The following PIEZO2 variants were observed in gnomAD, a reference collection of about 807,000 sequenced individuals.
The protein encoded by PIEZO2 is piezo type mechanosensitive ion channel component 2.
A neutral mutation model predicts 337.3 loss-of-function variants in PIEZO2; 172 were observed. The ratio of observed to expected loss-of-function variants is 0.51; its 90% confidence interval spans 0.45 to 0.58. The LOEUF (loss-of-function observed/expected upper bound fraction) is 0.58. PIEZO2 is among the 20% of genes least tolerant of loss of function. The pLI, the probability that PIEZO2 is intolerant of heterozygous loss-of-function variation, is 0.00. For missense variants in PIEZO2, 3,028 were observed against 3,391.3 expected, an observed-to-expected ratio of 0.89 and a Z score of 2.66; for synonymous variants, 1,251 against 1,228.5, an observed-to-expected ratio of 1.02 and a Z score of -0.38.
chr18:10,705,430 C>G lies in PIEZO2; in HGVS notation c.5905G>C (p.Val1969Leu). 6.5e-7 allele frequency: 1 copy of G among 1,537,252 alleles called. No homozygotes were observed. Among genetic ancestry groups the G allele is most frequent in the Non-Finnish European group, 8.7e-7 (1 of 1,146,920 alleles). ...DDSAGKNRMA[V>L]SPDDSRTDKL... ...TCGGTGCGGCTGTCGTCCGGGCTGA[C>G]TGCCATACGGTTCTTGCCTGCAGAG... Residue 1969 changes from valine to leucine, a missense_variant, in exon 41 of 56, where the codon GTC (valine) becomes CTC (leucine). Physicochemically the swap from Val to Leu is conservative, Grantham distance 32. Coordinates refer to ENST00000674853, the MANE Select transcript of PIEZO2 (RefSeq NM_001378183.1).
At chr18:10,829,067 C>T (rs1174964294) in intron 7 of PIEZO2, among the ~76,000 whole-genome samples, 1 of 152,162 alleles carries the variant, frequency 6.6e-6, no homozygotes, top group Non-Finnish European at 1.5e-5. Context: ...CTTCACATGA[C>T]TTATTGCATT....
intron 31 of PIEZO2, among the ~76,000 whole-genome samples, chr18:10,743,598 A>T (rs2037309792): frequency 6.6e-6 from 1 of 152,038 alleles, no homozygotes; most frequent in African/African-American, 2.4e-5. Flanking sequence ...GTTAGTGTTG[A>T]CTCTTAAGTC....
At position 10,853,850 on chromosome 18, in the gene PIEZO2, ACC is replaced by A. The variant is rs2041625002; in HGVS notation, c.917+1501_917+1502del. 6.6e-6 allele frequency among the ~76,000 whole-genome samples: 1 copy of A among 152,236 alleles called. No homozygotes were observed. Among genetic ancestry groups the A allele is most frequent in the Non-Finnish European group, 1.5e-5 (1 of 68,030 alleles). On this transcript the variant is annotated intron_variant, in intron 7 of 55. Transcript: ENST00000674853. This position sits in a 1 kb window ranked among gnomAD's most constrained non-coding sequence, Gnocchi z 4.2. ...TGGCATTTTTCTGTCTACCCACAAA[ACC>A]ATCATACACCTAAGAAATCAGCAAT...
At chr18:10,907,870 A>T (rs574520412) in intron 4 of PIEZO2, among the ~76,000 whole-genome samples, 1 of 152,380 alleles carries the variant, frequency 6.6e-6, no homozygotes, top group African/African-American at 2.4e-5. Context: ...TAATAAAAAA[A>T]ATTGAGTCTG....
At chr18:11,023,843 C>T (rs2036418682) in intron 2 of PIEZO2, among the ~76,000 whole-genome samples, 1 of 152,314 alleles carries the variant, frequency 6.6e-6, no homozygotes, top group East Asian at 1.9e-4. Flanking sequence ...GCCGGTGGGC[C>T]GGCACTGCTG....
intron 49 of PIEZO2, among the ~76,000 whole-genome samples, chr18:10,684,257 C>T (rs1246418025): frequency 7.5e-6 from 1 of 133,416 alleles, no homozygotes; most frequent in African/African-American, 2.8e-5. Context: ...GCTCCACCTC[C>T]TGGGTTCACG....
At chr18:11,082,602 G>A (rs2038787730) in intron 1 of PIEZO2, among the ~76,000 whole-genome samples, 1 of 152,044 alleles carries the variant, frequency 6.6e-6, no homozygotes. Flanking sequence ...CAGGCGTGAT[G>A]TTTCACATAT....
intron 7 of PIEZO2, among the ~76,000 whole-genome samples, chr18:10,841,039 G>A (rs2041174166): frequency 6.6e-6 from 1 of 152,186 alleles, no homozygotes; most frequent in Non-Finnish European, 1.5e-5. Flanking sequence ...TGTAGAGGAA[G>A]GGACAGACAA....
chr18:10,783,898 A>G lies in PIEZO2; in HGVS notation c.2492+886T>C, dbSNP rs2039119036. On this transcript the variant is annotated intron_variant, in intron 17 of 55. Coordinates refer to ENST00000674853, the MANE Select transcript of PIEZO2 (RefSeq NM_001378183.1). The surrounding 1 kb of genome is among the most constrained non-coding windows in gnomAD (Gnocchi z 4.3). The stretch of plus-strand genomic sequence containing the variant: ...AAGTTTGGCATTTTACGAAATGCAT[A>G]TCATGAACTCCTACTTCATCTTCTA... 6.6e-6 allele frequency among the ~76,000 whole-genome samples: 1 copy of G among 152,244 alleles called. No homozygotes were observed. Among genetic ancestry groups the G allele is most frequent in the African/African-American group, 2.4e-5 (1 of 41,468 alleles).
chr18:10,895,568 G>T lies in PIEZO2; in HGVS notation c.329+15618C>A, dbSNP rs548262322. Among the ~76,000 whole-genome samples the T allele has an allele frequency of 6.6e-6, 1 of 152,186 alleles. No homozygotes were observed. Among genetic ancestry groups the T allele is most frequent in the Non-Finnish European group, 1.5e-5 (1 of 68,040 alleles). ...CCGGGGAATGGTGCCGTTTGTTGGGGTACCTGTGCAGCAGTAGCAGTGCCG... is the reference window on the plus strand; with the variant it reads ...CCGGGGAATGGTGCCGTTTGTTGGGTTACCTGTGCAGCAGTAGCAGTGCCG... On this transcript the variant is annotated intron_variant, in intron 4 of 55. Coordinates refer to ENST00000674853, the MANE Select transcript of PIEZO2 (RefSeq NM_001378183.1). The surrounding 1 kb of genome is among the most constrained non-coding windows in gnomAD (Gnocchi z 4.8).
chr18:10,852,809 G>GT (rs2041593216), intron 7 of PIEZO2, among the ~76,000 whole-genome samples: 1 of 152,170 alleles, frequency 6.6e-6, no homozygotes, highest in Non-Finnish European at 1.5e-5. Flanking sequence ...TGTTACAGAG[G>GT]TAAGTGGTCA....
chr18:10,730,364 C>T (rs1026877693), intron 36 of PIEZO2, among the ~76,000 whole-genome samples: 1 of 152,164 alleles, frequency 6.6e-6, no homozygotes, highest in Non-Finnish European at 1.5e-5. Context: ...AGACTGAGCA[C>T]CTTTTGGTCA....
chr18:10,792,784 A>T (rs2039447333), intron 13 of PIEZO2, among the ~76,000 whole-genome samples: 1 of 152,246 alleles, frequency 6.6e-6, no homozygotes, highest in African/African-American at 2.4e-5. Context: ...CTCCTGGGTA[A>T]ATGAACCTAG....
chr18:10,858,210 A>G (rs1226555706), intron 5 of PIEZO2, among the ~76,000 whole-genome samples: 2 of 150,102 alleles, frequency 1.3e-5, no homozygotes, highest in African/African-American at 2.4e-5. Context: ...AGTCCTAGCT[A>G]CTCAGGAGGC....
rs1555682207 is a variant in PIEZO2 at position 10,956,982 on chromosome 18, A to AC, written c.286+22552_286+22553insG. 2.1e-3 allele frequency among the ~76,000 whole-genome samples: 92 copies of AC among 43,878 alleles called. 2 individuals are homozygous for AC. The highest frequency in any genetic ancestry group is 2.3e-3 in the African/African-American group (32 of 13,704). The allele number at this position is 43,878 out of a possible 152,430, so 28.8% of individuals were successfully genotyped here. A position where few individuals can be genotyped will look rare whatever the true frequency, so the allele number is the denominator to read the frequency against. ...AAAACTCCATCTCAAAAAAAAAAAA[A>AC]AAAAGAAATCATCCAGTGGAACAGG... On this transcript the variant is annotated intron_variant, in intron 3 of 55. Coordinates refer to ENST00000674853, the MANE Select transcript of PIEZO2 (RefSeq NM_001378183.1).
rs76448865 is a variant in PIEZO2 at position 10,831,100 on chromosome 18, A to G, written c.918-23826T>C. 5.2e-3 allele frequency among the ~76,000 whole-genome samples: 793 copies of G among 152,296 alleles called. 12 individuals carry two copies. The highest frequency in any genetic ancestry group is 0.023 in the Admixed American group (348 of 15,290). ...GGGAATGTCAATTAGCACAACCCCTATGGAAAACAGTACGGAGGTTCCTCA... is the reference window on the plus strand; with the variant it reads ...GGGAATGTCAATTAGCACAACCCCTGTGGAAAACAGTACGGAGGTTCCTCA... On this transcript the variant is annotated intron_variant, in intron 7 of 55. Coordinates refer to ENST00000674853, the MANE Select transcript of PIEZO2 (RefSeq NM_001378183.1).
chr18:10,770,868 C>G (rs2038576472), intron 20 of PIEZO2, among the ~76,000 whole-genome samples: 1 of 151,890 alleles, frequency 6.6e-6, no homozygotes, highest in Non-Finnish European at 1.5e-5. Flanking sequence ...GTAGCTGGGA[C>G]TACAGGCACA....
At chr18:10,958,753 T>C (rs947543655) in intron 3 of PIEZO2, among the ~76,000 whole-genome samples, 5 of 152,186 alleles carry the variant, frequency 3.3e-5, no homozygotes, top group African/African-American at 1.2e-4. Flanking sequence ...CAGAAATGCA[T>C]TCATGTACTT....
At chr18:11,052,000 A>G (rs764234113) in intron 2 of PIEZO2, among the ~76,000 whole-genome samples, 14 of 152,228 alleles carry the variant, frequency 9.2e-5, no homozygotes, top group Admixed American at 2.6e-4. Context: ...CAATTTTTCA[A>G]TAGGAGAAAA....
Sources: allele counts gnomAD v4.1 joint callset (sites outside exome capture counted in the v4.1 genomes callset), GRCh38; gene constraint gnomAD v4.1.1; non-coding constraint Gnocchi (gnomAD v3.1); transcripts MANE v1.5; gene names NCBI Gene and HGNC (gene_info 2026-07-23, HGNC 2026-07-21).